Variants in BMP5 observed in about 807,000 individuals in gnomAD.
The protein encoded by BMP5 is bone morphogenetic protein 5.
A neutral mutation model predicts 46.6 loss-of-function variants in BMP5; 23 were observed. That is an observed-to-expected ratio of 0.49 (90% CI 0.35 to 0.70). BMP5 has a LOEUF of 0.70. Ranked by LOEUF, BMP5 falls within the 30% of genes least tolerant of loss-of-function variation. The probability of loss-of-function intolerance (pLI) is 0.00; values close to 1 mark genes in which losing one functional copy is unlikely to be tolerated. For synonymous variants in BMP5, 204 were observed against 191.9 expected, an observed-to-expected ratio of 1.06 and a Z score of -0.52; for missense variants, 545 against 565.6, an observed-to-expected ratio of 0.96 and a Z score of 0.37.
chr6:55,774,245 T>C lies in BMP5; in HGVS notation c.833-2A>G. 6.2e-7 allele frequency: 1 copy of C among 1,612,196 alleles called. No homozygotes were observed. Among genetic ancestry groups the C allele is most frequent in the Non-Finnish European group, 8.5e-7 (1 of 1,178,758 alleles). On this transcript the variant is annotated splice_acceptor_variant, in intron 3 of 6. Transcript: ENST00000370830. LOFTEE classifies it high-confidence loss of function. ...CAGATTTTACGTTGATACTGCGTCC[T>C]AGAACGTAATACAAAAGCACTTGGT...
intron 4 of BMP5, 100 bp downstream of exon 4, chr6:55,773,949 C>A (rs887264355): frequency 7.8e-7 from 1 of 1,274,870 alleles, no homozygotes; most frequent in African/African-American, 1.5e-5. Flanking sequence ...ATGTACCATC[C>A]GAAGGTATAC....
chr6:55,778,652 C>A (rs1054704330), intron 3 of BMP5, among the ~76,000 whole-genome samples: 10 of 151,782 alleles, frequency 6.6e-5, no homozygotes, highest in African/African-American at 1.9e-4. Flanking sequence ...AATTATTGTA[C>A]CAGAATCATA....
chr6:55,785,272 TAAG>T (rs201256101), intron 3 of BMP5, among the ~76,000 whole-genome samples: 3,521 of 151,926 alleles, frequency 0.023, 59 homozygotes, highest in Middle Eastern at 0.054. Context: ...AATAAGTTGA[TAAG>T]AAGAATGTTT....
At chr6:55,836,839 A>T (rs1212206155) in intron 1 of BMP5, among the ~76,000 whole-genome samples, 1 of 152,116 alleles carries the variant, frequency 6.6e-6, no homozygotes, top group African/African-American at 2.4e-5. Context: ...ATCTATCTCA[A>T]ATGTTGTTTC....
intron 1 of BMP5, among the ~76,000 whole-genome samples, chr6:55,852,376 C>A (rs573520045): frequency 1.3e-5 from 2 of 152,138 alleles, no homozygotes; most frequent in South Asian, 2.1e-4. Flanking sequence ...TATTTCATCT[C>A]TCTTTTCTCA....
intron 4 of BMP5, among the ~76,000 whole-genome samples, chr6:55,773,389 G>A (rs1291907487): frequency 6.6e-6 from 1 of 151,828 alleles, no homozygotes; most frequent in African/African-American, 2.4e-5. Context: ...ACAAATTTTG[G>A]CAGTTAGATG....
chr6:55,767,113 C>A (rs558308552), intron 4 of BMP5, among the ~76,000 whole-genome samples: 1 of 152,042 alleles, frequency 6.6e-6, no homozygotes, highest in South Asian at 2.1e-4. Context: ...AGACACAATG[C>A]CTTAATGTCT....
At chr6:55,827,922 G>A (rs1288215386) in intron 1 of BMP5, among the ~76,000 whole-genome samples, 1 of 151,730 alleles carries the variant, frequency 6.6e-6, no homozygotes, top group Non-Finnish European at 1.5e-5. Context: ...CTGTCTGATA[G>A]CCATCTTTTG....
At chr6:55,795,431 A>G (rs1434315313) in intron 2 of BMP5, among the ~76,000 whole-genome samples, 1 of 152,102 alleles carries the variant, frequency 6.6e-6, no homozygotes, top group African/African-American at 2.4e-5. Context: ...CAATAGAGCT[A>G]TTCATTGTTT....
rs1374103689 is a variant in BMP5 at position 55,869,866 on chromosome 6, A to G, written c.490+4510T>C. On this transcript the variant is annotated intron_variant, in intron 1 of 6. Transcript: ENST00000370830. ...CCTTCTCAACTGGAGAGAAAACAGG[A>G]GAGTGTACCTCAATTCTCAAACTGT... Among the ~76,000 whole-genome samples the G allele has an allele frequency of 1.3e-5, 2 of 152,112 alleles. 1 individual carries two copies. The highest frequency in any genetic ancestry group is 1.3e-4 in the Admixed American group (2 of 15,260).
chr6:55,807,558 C>G (rs933555336), intron 2 of BMP5, among the ~76,000 whole-genome samples: 10 of 152,192 alleles, frequency 6.6e-5, no homozygotes, highest in African/African-American at 2.4e-4. Context: ...GTTTTGGTAT[C>G]AGGATGATGC....
At chr6:55,770,853 G>T in intron 4 of BMP5, among the ~76,000 whole-genome samples, 1 of 151,850 alleles carries the variant, frequency 6.6e-6, no homozygotes, top group East Asian at 1.9e-4. Context: ...ATGACCGATC[G>T]TTGGAGCAAT....
At chr6:55,818,249 CTT>C (rs201426608) in intron 2 of BMP5, among the ~76,000 whole-genome samples, 2 of 144,570 alleles carry the variant, frequency 1.4e-5, no homozygotes. Flanking sequence ...TAGTGTCTGG[CTT>C]TTTTTTTTTT....
chr6:55,869,358 CT>C (rs1338375180), intron 1 of BMP5, among the ~76,000 whole-genome samples: 1 of 152,062 alleles, frequency 6.6e-6, no homozygotes, highest in African/African-American at 2.4e-5. Flanking sequence ...CATTTCATTC[CT>C]TTTCTTTCTT....
At chr6:55,874,042 T>C (rs529936973) in intron 1 of BMP5, among the ~76,000 whole-genome samples, 1 of 151,936 alleles carries the variant, frequency 6.6e-6, no homozygotes, top group African/African-American at 2.4e-5. Context: ...TAAGTGCTTC[T>C]TTTTTTTATT....
intron 1 of BMP5, among the ~76,000 whole-genome samples, chr6:55,870,255 C>T (rs1582135334): frequency 6.7e-6 from 1 of 149,964 alleles, no homozygotes; most frequent in African/African-American, 2.5e-5. Flanking sequence ...TCTCTGGCAA[C>T]CCAGAGTTTG....
At chr6:55,758,701 GC>G (rs2127514793) in intron 6 of BMP5, among the ~76,000 whole-genome samples, 1 of 151,924 alleles carries the variant, frequency 6.6e-6, no homozygotes, top group African/African-American at 2.4e-5. Flanking sequence ...GTTAGAAACA[GC>G]CCCAGGGAAC....
At chr6:55,868,653 C>T (rs547218295) in intron 1 of BMP5, among the ~76,000 whole-genome samples, 8 of 152,118 alleles carry the variant, frequency 5.3e-5, no homozygotes, top group Non-Finnish European at 1.0e-4. Context: ...TTATCCACAG[C>T]TTCTTGGTCA....
intron 1 of BMP5, among the ~76,000 whole-genome samples, chr6:55,830,805 T>C (rs1776646676): frequency 6.6e-6 from 1 of 152,136 alleles, no homozygotes; most frequent in Non-Finnish European, 1.5e-5. Flanking sequence ...GAATTGATGA[T>C]ATCTACTATC....
Sources: gnomAD v4.1 joint callset for allele counts (sites outside exome capture counted in the v4.1 genomes callset) on GRCh38, gnomAD v4.1.1 for gene constraint, MANE v1.5 for transcripts, NCBI Gene and HGNC (gene_info 2026-07-23, HGNC 2026-07-21) for gene names.